CDH1: variants seen among roughly 807,000 people sequenced by gnomAD.
CDH1 encodes cadherin 1, also known as cadherin-1.
CDH1 carries 35 observed loss-of-function variants against 84.5 expected under a neutral mutation model. That is an observed-to-expected ratio of 0.41 (90% CI 0.32 to 0.55). The LOEUF (loss-of-function observed/expected upper bound fraction) is 0.55, where lower values mean the gene tolerates loss of function less well. CDH1 is among the 20% of genes least tolerant of loss of function. The pLI, the probability that CDH1 is intolerant of heterozygous loss-of-function variation, is 0.19. For synonymous variants in CDH1, 417 were observed against 439.0 expected (o/e 0.95, Z 0.63); for missense variants, 994 against 1,126.6 (o/e 0.88, Z 1.68).
At chr16:68,738,954 TTTTTTTTTTTA>T (rs1412765129) in intron 2 of CDH1, among the ~76,000 whole-genome samples, 3 of 96,494 alleles carry the variant, frequency 3.1e-5, no homozygotes, top group African/African-American at 1.2e-4. Context: ...TTTTTTTTTT[TTTTTTTTTTTA>T]AAGACAGGGT....
chr16:68,819,511 T>G (rs947054313), intron 11 of CDH1, 86 bp downstream of exon 11: 13 of 1,342,536 alleles, frequency 9.7e-6, no homozygotes, highest in Non-Finnish European at 1.4e-5. Flanking sequence ...GAGGGAAGAG[T>G]TCATTCTTTT....
chr16:68,766,411 C>A (rs1223659150), intron 2 of CDH1, among the ~76,000 whole-genome samples: 1 of 152,174 alleles, frequency 6.6e-6, no homozygotes, highest in Non-Finnish European at 1.5e-5. Flanking sequence ...AGAAAACTGG[C>A]CCAGGCTCTC....
chr16:68,750,090 G>C (rs1308052184), intron 2 of CDH1, among the ~76,000 whole-genome samples: 1 of 146,574 alleles, frequency 6.8e-6, no homozygotes, highest in Admixed American at 6.9e-5. Flanking sequence ...GGGATTACAG[G>C]TGTGAGCCAC....
Position 68,831,893 on chromosome 16 carries a change from T to C in CDH1, c.2440-1397T>C, listed in dbSNP as rs1023791001. Among the ~76,000 whole-genome samples, 20 of 152,118 alleles carry C rather than the reference T, an allele frequency of 1.3e-4. 1 individual carries two copies. The highest frequency in any genetic ancestry group is 1.0e-3 in the Admixed American group (16 of 15,278). On this transcript the variant is annotated intron_variant, in intron 15 of 15. Coordinates refer to ENST00000261769, the MANE Select transcript of CDH1 (RefSeq NM_004360.5). ...AGGCCTTTCCTCCATTCATACTCATTTGCAAGTCATCACTTGTATTTGCAG... is the reference window on the plus strand; with the variant it reads ...AGGCCTTTCCTCCATTCATACTCATCTGCAAGTCATCACTTGTATTTGCAG...
intron 3 of CDH1, among the ~76,000 whole-genome samples, chr16:68,804,822 A>ATTTTTTTTT (rs1960608492): frequency 8.0e-6 from 1 of 124,580 alleles, no homozygotes; most frequent in African/African-American, 3.9e-5. Context: ...AGGTAACAAA[A>ATTTTTTTTT]TCTTTTTTTT....
At chr16:68,738,251 G>A (rs751149900) in intron 1 of CDH1, 46 bp from the exon 2 acceptor site, 4 of 1,301,120 alleles carry the variant, frequency 3.1e-6, no homozygotes, top group Non-Finnish European at 4.4e-6. Flanking sequence ...GAGCAGGAGG[G>A]AACCCTCCGA....
intron 10 of CDH1, 92 bp from the exon 11 acceptor site, chr16:68,819,188 G>C (rs1961068488): frequency 7.0e-7 from 1 of 1,431,310 alleles, no homozygotes; most frequent in South Asian, 1.2e-5. Context: ...AACGTTGGAA[G>C]TAACCATATA....
At chr16:68,791,425 G>A (rs1291718503) in intron 2 of CDH1, among the ~76,000 whole-genome samples, 9 of 151,400 alleles carry the variant, frequency 5.9e-5, no homozygotes, top group South Asian at 2.1e-4. Flanking sequence ...ACTTTTTTTC[G>A]TTTTCTTTCT....
chr16:68,786,543 T>C (rs1309958545), intron 2 of CDH1, among the ~76,000 whole-genome samples: 19 of 139,714 alleles, frequency 1.4e-4, no homozygotes, highest in Non-Finnish European at 1.9e-4. Context: ...TCTTTTTTTT[T>C]TTTTTTTTTT....
chr16:68,741,019 G>T (rs1437787155), intron 2 of CDH1, among the ~76,000 whole-genome samples: 1 of 151,864 alleles, frequency 6.6e-6, no homozygotes, highest in Non-Finnish European at 1.5e-5. Context: ...TGGAGGTGTT[G>T]ACAGGGTGGG....
chr16:68,781,530 G>C (rs911624643), intron 2 of CDH1, among the ~76,000 whole-genome samples: 1 of 151,896 alleles, frequency 6.6e-6, no homozygotes, highest in Non-Finnish European at 1.5e-5. Flanking sequence ...TTAGAGATGG[G>C]GTCTTGCCAT....
In CDH1 at chr16:68,815,547, T is replaced by C. The variant is rs114192597; in HGVS notation, c.1353T>C (p.Ile451=). The C allele has an allele frequency of 2.5e-4, 399 of 1,614,236 alleles. No homozygotes were observed. Among genetic ancestry groups the C allele is most frequent in the Non-Finnish European group, 3.3e-4 (385 of 1,180,044 alleles). ...ATTTTGAGGCCAAGCAGCAGTACAT[T>C]CTACACGTAGCAGTGACGAATGTGG... ...GLDFEAKQQY[I]LHVAVTNVVP... is the part of the protein sequence containing the mutation. The change falls in exon 10 of 16, where the codon ATT becomes ATC. Residue 451 remains isoleucine (I), a synonymous_variant. Transcript: ENST00000261769.
At chr16:68,754,726 T>A in intron 2 of CDH1, among the ~76,000 whole-genome samples, 1 of 152,288 alleles carries the variant, frequency 6.6e-6, no homozygotes, top group African/African-American at 2.4e-5. Context: ...GTCCATTCAC[T>A]TAATGAATTT....
At chr16:68,741,056 G>A (rs540602049) in intron 2 of CDH1, among the ~76,000 whole-genome samples, 5 of 151,694 alleles carry the variant, frequency 3.3e-5, no homozygotes, top group African/African-American at 4.8e-5. Context: ...GGTGATGATG[G>A]AGATGGGTCA....
intron 2 of CDH1, among the ~76,000 whole-genome samples, chr16:68,785,261 G>A (rs1038083713): frequency 2.0e-5 from 3 of 151,928 alleles, no homozygotes; most frequent in Admixed American, 6.6e-5. Flanking sequence ...GCGCGATCTC[G>A]GCTCACTGCA....
At chr16:68,785,839 G>C (rs1396317201) in intron 2 of CDH1, among the ~76,000 whole-genome samples, 1 of 151,990 alleles carries the variant, frequency 6.6e-6, no homozygotes, top group Non-Finnish European at 1.5e-5. Context: ...TGTCGCCCAT[G>C]TTTTGCTAGC....
intron 2 of CDH1, among the ~76,000 whole-genome samples, chr16:68,770,414 A>G (rs12446413): frequency 0.3 from 45,102 of 151,924 alleles, 6,815 homozygotes; most frequent in Middle Eastern, 0.34. Flanking sequence ...CCCTTAGGGG[A>G]TGTTCATGGA....
At chr16:68,740,027 G>A (rs920186144) in intron 2 of CDH1, among the ~76,000 whole-genome samples, 1 of 152,140 alleles carries the variant, frequency 6.6e-6, no homozygotes, top group Admixed American at 6.5e-5. Flanking sequence ...AGTTTGCTTT[G>A]TTCCACTTGA....
At chr16:68,745,823 T>C (rs1409258814) in intron 2 of CDH1, among the ~76,000 whole-genome samples, 1 of 151,626 alleles carries the variant, frequency 6.6e-6, no homozygotes, top group African/African-American at 2.4e-5. Flanking sequence ...ATTTACTTAC[T>C]TATTTATTTT....
Sources: gnomAD v4.1 joint callset for allele counts (sites outside exome capture counted in the v4.1 genomes callset) on GRCh38, gnomAD v4.1.1 for gene constraint, MANE v1.5 for transcripts, NCBI Gene and HGNC (gene_info 2026-07-23, HGNC 2026-07-21) for gene names.